The following ZMAT5 variants were observed in gnomAD, a reference collection of about 807,000 sequenced individuals.
ZMAT5 encodes zinc finger matrin-type 5.
In ZMAT5, 23 loss-of-function variants were observed where a neutral mutation model predicts 28.0. That is an observed-to-expected ratio of 0.82 (90% CI 0.59 to 1.16). The LOEUF (loss-of-function observed/expected upper bound fraction) is 1.16. Among genes scored for constraint, ZMAT5 ranks in the 50% most tolerant of loss-of-function variants. The pLI is 0.00. For missense variants in ZMAT5, 173 were observed against 212.7 expected (o/e 0.81, Z 1.16); for synonymous variants, 76 against 84.1 (o/e 0.90, Z 0.52).
At position 29,763,332 on chromosome 22, in the gene ZMAT5, G is replaced by A. The variant is rs529200636; in HGVS notation, c.-28+3540C>T. Among the ~76,000 whole-genome samples the A allele has an allele frequency of 7.3e-5, 7 of 96,118 alleles. No individual in the cohort carries two copies. The East Asian group carries it at 1.2e-3, about 16-fold the overall frequency. The allele number at this position is 96,118 out of a possible 152,430, so 63.1% of individuals were successfully genotyped here. On this transcript the variant is annotated intron_variant, in intron 1 of 5. Transcript: ENST00000344318. Reference sequence around the variant, plus strand: ...TAAATAAATAAATAAGGCCAGGTGCGGTGGCTCACACCTGTAATCCCAGGA... The same window carrying A: ...TAAATAAATAAATAAGGCCAGGTGCAGTGGCTCACACCTGTAATCCCAGGA...
chr22:29,739,868 A>G (rs2067945307), intron 4 of ZMAT5, among the ~76,000 whole-genome samples: 1 of 152,202 alleles, frequency 6.6e-6, no homozygotes, highest in Non-Finnish European at 1.5e-5. Context: ...CGGAGCCTGC[A>G]GTGTCTAACT....
intron 2 of ZMAT5, chr22:29,746,425 C>T (rs981867622): frequency 1.3e-5 from 2 of 152,208 alleles, no homozygotes; most frequent in African/African-American, 2.4e-5. Flanking sequence ...GCTGGGATTA[C>T]AGGCATGAGC....
chr22:29,739,021 AAAAG>A (rs1354236861), intron 4 of ZMAT5, among the ~76,000 whole-genome samples: 18 of 149,936 alleles, frequency 1.2e-4, no homozygotes, highest in Middle Eastern at 3.5e-3. Flanking sequence ...CAAAAAAAAA[AAAAG>A]AGAGAGAGAG....
At chr22:29,738,187 C>G in intron 5 of ZMAT5, 143 bp downstream of exon 5, 1 of 739,306 alleles carries the variant, frequency 1.4e-6, no homozygotes, top group Non-Finnish European at 2.2e-6. Flanking sequence ...CCCAAGGGCT[C>G]CTCGGGGAGC....
intron 5 of ZMAT5, 147 bp downstream of exon 5, chr22:29,738,183 G>A: frequency 8.4e-6 from 6 of 711,168 alleles, no homozygotes; most frequent in Non-Finnish European, 1.4e-5. Context: ...GGGCCCCAAG[G>A]GCTCCTCGGG....
At chr22:29,757,215 T>C (rs1456987539) in intron 1 of ZMAT5, among the ~76,000 whole-genome samples, 12 of 55,068 alleles carry the variant, frequency 2.2e-4, no homozygotes, top group East Asian at 5.3e-4. Context: ...GACCCCAATC[T>C]CAAAAAAAAA....
intron 1 of ZMAT5, among the ~76,000 whole-genome samples, chr22:29,756,402 G>A (rs971935800): frequency 3.3e-5 from 5 of 152,174 alleles, no homozygotes; most frequent in Admixed American, 3.3e-4. Context: ...CCGTATGCTA[G>A]AGGCATCCTT....
chr22:29,762,250 T>TA (rs556635227), intron 1 of ZMAT5, among the ~76,000 whole-genome samples: 131 of 152,308 alleles, frequency 8.6e-4, no homozygotes, highest in African/African-American at 3.1e-3. Context: ...CAAATATTAA[T>TA]AAAAAAATTA....
chr22:29,744,411 G>A (rs1290971601), intron 2 of ZMAT5, among the ~76,000 whole-genome samples: 1 of 152,066 alleles, frequency 6.6e-6, no homozygotes, highest in African/African-American at 2.4e-5. Context: ...GCTGGGATAA[G>A]GAGTTGGTTG....
chr22:29,763,782 T>A (rs2068182258), intron 1 of ZMAT5, among the ~76,000 whole-genome samples: 1 of 151,898 alleles, frequency 6.6e-6, no homozygotes, highest in Non-Finnish European at 1.5e-5. Flanking sequence ...AAAAAATCTA[T>A]AAGAAAACCA....
At chr22:29,752,795 T>C (rs1601726211) in intron 1 of ZMAT5, among the ~76,000 whole-genome samples, 1 of 152,244 alleles carries the variant, frequency 6.6e-6, no homozygotes, top group East Asian at 1.9e-4. Flanking sequence ...CTCCCACCTC[T>C]GCCTCCTGCA....
At chr22:29,738,028 G>C (rs1183551680) in intron 5 of ZMAT5, among the ~76,000 whole-genome samples, 12 of 152,066 alleles carry the variant, frequency 7.9e-5, no homozygotes, top group Admixed American at 7.9e-4. Flanking sequence ...CCACAGCCCA[G>C]GCCCCTCCCT....
rs534914893 is a variant in ZMAT5 at position 29,736,196 on chromosome 22, C to G, written c.383+2134G>C. On this transcript the variant is annotated intron_variant, in intron 5 of 5. Transcript: ENST00000344318. ...CCTTTTGCACACGGGCTGAAGGAGT[C>G]TGGGGTGTAGGACGTGGATCCCTGG... is the stretch of plus-strand genomic sequence containing the variant. 2.6e-5 allele frequency among the ~76,000 whole-genome samples: 4 copies of G among 152,326 alleles called. No individual in the cohort carries two copies. The East Asian group carries it at 7.7e-4, about 29-fold the overall frequency.
chr22:29,748,430 C>A lies in ZMAT5; in HGVS notation c.115G>T (p.Asp39Tyr). The A allele has an allele frequency of 6.2e-7, 1 of 1,614,228 alleles. No homozygotes were observed. Among genetic ancestry groups the A allele is most frequent in the Non-Finnish European group, 8.5e-7 (1 of 1,180,038 alleles). ...CAGCGGCACCCACCTCGGAACATGT[C>A]GTACCAGACCTTCTTGGCCTTGAGG... ...QHLKAKKVWY[D>Y]MFRDAAAILL... The change falls in exon 2 of 6, where the codon GAC becomes TAC. Residue 39 changes from aspartate (D) to tyrosine (Y), a missense_variant. Asp to Tyr is a radical substitution (Grantham distance 160). Transcript: ENST00000344318.
At chr22:29,733,203 A>T (rs1340092611) in intron 5 of ZMAT5, among the ~76,000 whole-genome samples, 2 of 152,178 alleles carry the variant, frequency 1.3e-5, no homozygotes, top group Non-Finnish European at 2.9e-5. Context: ...GCACACTCCC[A>T]CACCCCAACA....
chr22:29,743,830 A>C (rs1023124573), intron 2 of ZMAT5, among the ~76,000 whole-genome samples: 2 of 152,174 alleles, frequency 1.3e-5, no homozygotes, highest in African/African-American at 4.8e-5. Context: ...GTACCTGAGG[A>C]TGGTATCCTG....
intron 2 of ZMAT5, among the ~76,000 whole-genome samples, chr22:29,743,457 T>C (rs1366178726): frequency 6.6e-6 from 1 of 151,918 alleles, no homozygotes; most frequent in Non-Finnish European, 1.5e-5. Flanking sequence ...TTGAGACAAG[T>C]TCTCACTCTG....
rs2067835489 is a variant in ZMAT5 at position 29,730,967 on chromosome 22, ACTTT to A, written c.*254_*257del. ...CACAGCCAGACCACTGTGGTGACAG[ACTTT>A]CTTTATAAACATTTGGAAGTTTTCT... On this transcript the variant is annotated 3_prime_UTR_variant, in exon 6 of 6. Transcript: ENST00000344318. 9.0e-6 allele frequency: 3 copies of A among 334,740 alleles called. No homozygotes were observed. The South Asian group carries it at 2.9e-4, about 32-fold the overall frequency. 20.7% of individuals were successfully genotyped at this position (334,740 alleles called of 1,614,324 possible).
chr22:29,738,446 G>A lies in ZMAT5; in HGVS notation c.272-5C>T. 1.2e-6 allele frequency: 2 copies of A among 1,608,602 alleles called. No homozygotes were observed. Among genetic ancestry groups the A allele is most frequent in the Non-Finnish European group, 1.7e-6 (2 of 1,179,078 alleles). ...ACTCCCTGGCTCGCCTCTCCTCTGT[G>A]GGGACAGGGAGACAAAGGCAAGTGA... On this transcript the variant is annotated splice_polypyrimidine_tract_variant and splice_region_variant and intron_variant, in intron 4 of 5. Coordinates refer to ENST00000344318, the MANE Select transcript of ZMAT5 (RefSeq NM_001003692.2).
Sources: gnomAD v4.1 joint callset for allele counts (sites outside exome capture counted in the v4.1 genomes callset) on GRCh38, gnomAD v4.1.1 for gene constraint, MANE v1.5 for transcripts, NCBI Gene and HGNC (gene_info 2026-07-23, HGNC 2026-07-21) for gene names.